Variants in PPP6R3 observed in about 807,000 individuals in gnomAD.
The protein encoded by PPP6R3 is protein phosphatase 6 regulatory subunit 3, also known as serine/threonine-protein phosphatase 6 regulatory subunit 3.
In PPP6R3, 38 loss-of-function variants were observed where a neutral mutation model predicts 110.7. The observed-to-expected ratio is 0.34, with a 90% CI of 0.26 to 0.45. PPP6R3 has a LOEUF of 0.45. PPP6R3 is among the 20% of genes least tolerant of loss of function. PPP6R3 has a pLI of 1.00. For missense variants in PPP6R3, 870 were observed against 1,062.4 expected, an observed-to-expected ratio of 0.82 and a Z score of 2.52; for synonymous variants, 369 against 373.5, an observed-to-expected ratio of 0.99 and a Z score of 0.14.
rs140444250 is a variant in PPP6R3, at chr11:68,485,565, A to G, written c.-158+24738A>G. ...GTTGAGGAAGCTTCTTACTGTTCCT[A>G]GTTTTCTGAGTGTTTTTTGAAATGA... On this transcript the variant is annotated intron_variant, in intron 1 of 23. Coordinates refer to ENST00000393800, the MANE Select transcript of PPP6R3 (RefSeq NM_001164161.2). Among the ~76,000 whole-genome samples, 24 of 152,172 alleles carry G rather than the reference A, an allele frequency of 1.6e-4. No individual in the cohort carries two copies. The East Asian group carries it at 2.1e-3, about 13-fold the overall frequency.
intron 1 of PPP6R3, among the ~76,000 whole-genome samples, chr11:68,500,712 G>A (rs531205105): frequency 2.3e-4 from 35 of 152,274 alleles, no homozygotes; most frequent in African/African-American, 8.2e-4. Context: ...TCCTGACCTC[G>A]TGATCTGCCT....
In PPP6R3 at chr11:68,509,916, A is replaced by ATT. The variant is rs745821812; in HGVS notation, c.-157-9571_-157-9570dup. 4.3e-5 allele frequency among the ~76,000 whole-genome samples: 6 copies of ATT among 141,090 alleles called. No individual in the cohort carries two copies. The South Asian group carries it at 6.7e-4, about 16-fold the overall frequency. The allele number at this position is 141,090 out of a possible 152,430, so 92.6% of individuals were successfully genotyped here. ...AGGTGCCTGCCACCACACTCGGCAA[A>ATT]TTTTTTTTTTTTTTTAAGTAGAGAC... On this transcript the variant is annotated intron_variant, in intron 1 of 23. Transcript: ENST00000393800.
At chr11:68,527,349 G>A (rs533247295) in intron 2 of PPP6R3, among the ~76,000 whole-genome samples, 1 of 152,102 alleles carries the variant, frequency 6.6e-6, no homozygotes, top group Non-Finnish European at 1.5e-5. Flanking sequence ...GACAGTTAAC[G>A]CATTCACACT....
intron 9 of PPP6R3, 134 bp downstream of exon 9, chr11:68,564,566 G>C: frequency 1.0e-6 from 1 of 965,350 alleles, no homozygotes; most frequent in Non-Finnish European, 1.5e-6. Context: ...AGATAACACT[G>C]CCAGTGATTT....
At chr11:68,468,869 C>CT (rs1346587587) in intron 1 of PPP6R3, among the ~76,000 whole-genome samples, 1 of 152,140 alleles carries the variant, frequency 6.6e-6, no homozygotes, top group African/African-American at 2.4e-5. Flanking sequence ...TAAGTTTATT[C>CT]TTTTCTGGCA....
At chr11:68,604,018 A>G (rs1022492305) in intron 22 of PPP6R3, among the ~76,000 whole-genome samples, 2 of 152,246 alleles carry the variant, frequency 1.3e-5, no homozygotes, top group African/African-American at 4.8e-5. Flanking sequence ...GAATAATGGG[A>G]AAAATGTCTG....
chr11:68,479,478 A>C (rs2098884018), intron 1 of PPP6R3, among the ~76,000 whole-genome samples: 1 of 152,126 alleles, frequency 6.6e-6, no homozygotes, highest in Admixed American at 6.6e-5. Flanking sequence ...TCATTCTTAA[A>C]AGGTTGTTTT....
Position 68,460,766 on chromosome 11 carries a change from T to A in PPP6R3, c.-219T>A, listed in dbSNP as rs1256248064. On this transcript the variant is annotated 5_prime_UTR_variant, in exon 1 of 24. An upstream start codon of the reference 5' UTR is lost. Coordinates refer to ENST00000393800, the MANE Select transcript of PPP6R3 (RefSeq NM_001164161.2). Reference sequence around the variant, plus strand: ...TCCGCCATTTTGGGCGCTTCGCTGATGGTGTCGGTGAGCGCGTTTCCCGCC... The same window carrying A: ...TCCGCCATTTTGGGCGCTTCGCTGAAGGTGTCGGTGAGCGCGTTTCCCGCC... 6.6e-6 allele frequency: 1 copy of A among 151,302 alleles called. No homozygotes were observed. The highest frequency in any genetic ancestry group is 2.4e-5 in the African/African-American group (1 of 41,038). 9.4% of individuals were successfully genotyped at this position (151,302 alleles called of 1,614,324 possible). A position where few individuals can be genotyped will look rare whatever the true frequency, so the allele number is the denominator to read the frequency against.
intron 18 of PPP6R3, among the ~76,000 whole-genome samples, chr11:68,594,200 GT>G (rs2099604301): frequency 1.3e-5 from 2 of 151,126 alleles, no homozygotes; most frequent in South Asian, 4.2e-4. Flanking sequence ...AACTTTAAAT[GT>G]TTACACAACC....
intron 1 of PPP6R3, among the ~76,000 whole-genome samples, chr11:68,466,129 GA>G (rs1389746650): frequency 3.3e-5 from 5 of 152,190 alleles, no homozygotes; most frequent in African/African-American, 1.2e-4. Flanking sequence ...CTTCAAGTGG[GA>G]GGGGGTGTTT....
chr11:68,533,201 A>T (rs2153629265), intron 2 of PPP6R3, among the ~76,000 whole-genome samples: 1 of 152,320 alleles, frequency 6.6e-6, no homozygotes, highest in African/African-American at 2.4e-5. Context: ...GCGAAGGCCC[A>T]GCAGGGGTGA....
At chr11:68,552,886 A>G (rs977617109) in intron 6 of PPP6R3, among the ~76,000 whole-genome samples, 18 of 152,244 alleles carry the variant, frequency 1.2e-4, no homozygotes, top group African/African-American at 4.3e-4. Flanking sequence ...TTTTTTGAGA[A>G]GGACACTGCA....
At chr11:68,561,680 T>G (rs2099422241) in intron 8 of PPP6R3, among the ~76,000 whole-genome samples, 1 of 152,226 alleles carries the variant, frequency 6.6e-6, no homozygotes. Context: ...CATATCATCA[T>G]TTTGTTAAAT....
At chr11:68,502,562 T>C (rs1044434046) in intron 1 of PPP6R3, among the ~76,000 whole-genome samples, 2 of 152,170 alleles carry the variant, frequency 1.3e-5, no homozygotes, top group Non-Finnish European at 2.9e-5. Context: ...AAGATCTTTA[T>C]GGATGAATGC....
chr11:68,522,966 A>G (rs186703867), intron 2 of PPP6R3, among the ~76,000 whole-genome samples: 3 of 152,334 alleles, frequency 2.0e-5, no homozygotes, highest in East Asian at 3.9e-4. Context: ...TGGGACTGCT[A>G]CCTTCATCAC....
chr11:68,573,904 A>G (rs1264137606), intron 12 of PPP6R3, among the ~76,000 whole-genome samples: 7 of 152,104 alleles, frequency 4.6e-5, no homozygotes, highest in African/African-American at 7.2e-5. Context: ...ATCTTTTACA[A>G]TTTCACACCC....
chr11:68,576,752 T>C (rs1049003244), intron 14 of PPP6R3, among the ~76,000 whole-genome samples: 1 of 152,228 alleles, frequency 6.6e-6, no homozygotes, highest in African/African-American at 2.4e-5. Flanking sequence ...AGCACGTGAC[T>C]CGACATTGAA....
At chr11:68,608,668 G>A (rs1941691939) in intron 22 of PPP6R3, among the ~76,000 whole-genome samples, 1 of 152,242 alleles carries the variant, frequency 6.6e-6, no homozygotes, top group East Asian at 1.9e-4. Context: ...GCCATGTAGA[G>A]TGGTAGGTGC....
At chr11:68,497,077 C>T (rs541096408) in intron 1 of PPP6R3, among the ~76,000 whole-genome samples, 3 of 137,444 alleles carry the variant, frequency 2.2e-5, no homozygotes, top group Admixed American at 7.2e-5. Flanking sequence ...GACGGAGTCT[C>T]GCTCTTTCAC....
Sources: gnomAD v4.1 joint callset for allele counts (sites outside exome capture counted in the v4.1 genomes callset) on GRCh38, gnomAD v4.1.1 for gene constraint, MANE v1.5 for transcripts, NCBI Gene and HGNC (gene_info 2026-07-23, HGNC 2026-07-21) for gene names.